SSBP3: variants seen among roughly 807,000 people sequenced by gnomAD.
SSBP3 encodes single stranded DNA binding protein 3.
Under a neutral mutation model 69.6 loss-of-function variants are expected in SSBP3, and 5 were observed. The observed-to-expected ratio is 0.07, with a 90% confidence interval of 0.04 to 0.15. The LOEUF (loss-of-function observed/expected upper bound fraction) is 0.15. SSBP3 is among the 10% of genes least tolerant of loss of function. The pLI, the probability that SSBP3 is intolerant of heterozygous loss-of-function variation, is 1.00. For missense variants in SSBP3, 312 were observed against 534.0 expected (o/e 0.58, Z 4.10); for synonymous variants, 196 against 193.4 (o/e 1.01, Z -0.11).
chr1:54,324,494 T>G (rs1646267666), intron 4 of SSBP3, among the ~76,000 whole-genome samples: 1 of 145,854 alleles, frequency 6.9e-6, no homozygotes, highest in Admixed American at 7.0e-5. Context: ...CAGCAGCCCC[T>G]TAAGACTGAC....
At chr1:54,238,639 C>A in intron 14 of SSBP3, 1 of 314,258 alleles carries the variant, frequency 3.2e-6, no homozygotes, top group South Asian at 3.2e-5. Flanking sequence ...CTCTGAGAGG[C>A]AAAGAAGCTG....
intron 4 of SSBP3, among the ~76,000 whole-genome samples, chr1:54,383,984 T>C (rs1006455603): frequency 2.6e-5 from 4 of 151,682 alleles, no homozygotes; most frequent in Non-Finnish European, 4.4e-5. Flanking sequence ...CAGGCGCCTG[T>C]AGTCCCAGCT....
At chr1:54,241,552 G>A (rs1210887569) in intron 11 of SSBP3, 43 bp from the exon 12 acceptor site, 2 of 1,608,058 alleles carry the variant, frequency 1.2e-6, no homozygotes, top group African/African-American at 1.3e-5. Flanking sequence ...GAGTCACTGA[G>A]TGCCCTCAGC....
At chr1:54,357,469 T>G (rs1012608726) in intron 4 of SSBP3, among the ~76,000 whole-genome samples, 6 of 152,100 alleles carry the variant, frequency 3.9e-5, no homozygotes, top group Non-Finnish European at 8.8e-5. Context: ...TAGCACTATT[T>G]GTGAAGAAAA....
At chr1:54,403,167 C>A (rs1222530774) in intron 3 of SSBP3, among the ~76,000 whole-genome samples, 5 of 152,190 alleles carry the variant, frequency 3.3e-5, no homozygotes, top group African/African-American at 9.7e-5. Context: ...ACCGCCCGGG[C>A]CTAACACAAC....
chr1:54,235,919 T>C lies in SSBP3; in HGVS notation c.927+3210A>G, dbSNP rs1264311213. Reference sequence around the variant, plus strand: ...TTGATAAAGTCCTGTTTAACTTGACTGCCTTTTCTGGTGACATTTTTTGAG... The same window carrying C: ...TTGATAAAGTCCTGTTTAACTTGACCGCCTTTTCTGGTGACATTTTTTGAG... On this transcript the variant is annotated intron_variant, in intron 14 of 17. Coordinates refer to ENST00000610401, the Ensembl canonical transcript of SSBP3. Among the ~76,000 whole-genome samples the C allele has an allele frequency of 2.6e-5, 4 of 152,354 alleles. 1 individual carries two copies. The highest frequency in any genetic ancestry group is 9.6e-5 in the African/African-American group (4 of 41,590).
At chr1:54,309,062 T>G (rs1645952168) in intron 4 of SSBP3, among the ~76,000 whole-genome samples, 1 of 152,232 alleles carries the variant, frequency 6.6e-6, no homozygotes, top group East Asian at 1.9e-4. Flanking sequence ...GCATACAGCT[T>G]TAGAGACTCA....
chr1:54,350,817 A>G (rs1464455388), intron 4 of SSBP3, among the ~76,000 whole-genome samples: 1 of 152,134 alleles, frequency 6.6e-6, no homozygotes, highest in East Asian at 1.9e-4. Context: ...GGACACAGAA[A>G]TAGAACCCGC....
intron 7 of SSBP3, among the ~76,000 whole-genome samples, chr1:54,252,876 G>A (rs1053762111): frequency 6.6e-6 from 1 of 152,230 alleles, no homozygotes; most frequent in South Asian, 2.1e-4. Context: ...ATCTGCAGGT[G>A]TCAGTGCTGA....
intron 14 of SSBP3, among the ~76,000 whole-genome samples, chr1:54,233,659 ACTGGGAAGTGAGGAGCCCCTCTGCCCGG>A (rs1644430198): frequency 1.5e-5 from 1 of 67,446 alleles, no homozygotes; most frequent in African/African-American, 5.7e-5. Flanking sequence ...GGCCGCCCCT[ACTGGGAAGTGAGGAGCCCCTCTGCCCGG>A]CCAGCCGCCC....
chr1:54,309,952 G>A (rs1379816273), intron 4 of SSBP3, among the ~76,000 whole-genome samples: 3 of 152,068 alleles, frequency 2.0e-5, no homozygotes, highest in South Asian at 4.1e-4. Context: ...GGGGTGGGGG[G>A]AGCACAAATC....
At chr1:54,241,331 A>G (rs1289472275) in intron 12 of SSBP3, 143 bp downstream of exon 12, 2 of 984,712 alleles carry the variant, frequency 2.0e-6, no homozygotes, top group East Asian at 4.8e-5. Flanking sequence ...AGATGACTGA[A>G]TATTGACAGC....
intron 4 of SSBP3, among the ~76,000 whole-genome samples, chr1:54,305,494 A>T (rs1351995522): frequency 2.0e-5 from 3 of 152,244 alleles, no homozygotes; most frequent in South Asian, 4.2e-4. Flanking sequence ...GCCAGGGAAC[A>T]TTTTCAAAAT....
At chr1:54,236,174 GGTGT>G (rs1317787727) in intron 14 of SSBP3, among the ~76,000 whole-genome samples, 1 of 152,092 alleles carries the variant, frequency 6.6e-6, no homozygotes, top group East Asian at 1.9e-4. Context: ...GGAGTGCAGT[GGTGT>G]GATCTCGGCT....
chr1:54,408,997 G>T (rs537533924), upstream of SSBP3, among the ~76,000 whole-genome samples: 11 of 152,132 alleles, frequency 7.2e-5, no homozygotes, highest in Non-Finnish European at 1.6e-4. Flanking sequence ...GATTGCTGAG[G>T]GGTTCCCTGG....
intron 4 of SSBP3, among the ~76,000 whole-genome samples, chr1:54,294,210 T>C (rs1330974275): frequency 6.7e-6 from 1 of 149,024 alleles, no homozygotes; most frequent in African/African-American, 2.5e-5. Flanking sequence ...AAAGAAATCC[T>C]GCTTTTCAAG....
exon 1 of SSBP3, chr1:54,413,377 G>A (rs1473191084): frequency 6.6e-6 from 1 of 152,240 alleles, no homozygotes; most frequent in Non-Finnish European, 1.5e-5. Flanking sequence ...CAACTGGGCA[G>A]CTCTGCTTCA....
intron 4 of SSBP3, among the ~76,000 whole-genome samples, chr1:54,350,461 A>G (rs1646763857): frequency 6.6e-6 from 1 of 152,240 alleles, no homozygotes; most frequent in South Asian, 2.1e-4. Flanking sequence ...TGTTTTTCTC[A>G]AGTGATTAAC....
At chr1:54,359,758 G>A (rs1646922989) in intron 4 of SSBP3, among the ~76,000 whole-genome samples, 1 of 152,166 alleles carries the variant, frequency 6.6e-6, no homozygotes, top group African/African-American at 2.4e-5. Context: ...ATACGTTTCA[G>A]AGAGCAGAAA....
Sources: allele counts gnomAD v4.1 joint callset (sites outside exome capture counted in the v4.1 genomes callset), GRCh38; gene constraint gnomAD v4.1.1; transcripts MANE v1.5; gene names NCBI Gene and HGNC (gene_info 2026-07-23, HGNC 2026-07-21).